RNF17: variants seen among roughly 807,000 people sequenced by gnomAD.
RNF17 encodes the protein spermatogenesis associated 23.
In RNF17, 31 loss-of-function variants were observed where a neutral mutation model predicts 200.5. The observed-to-expected ratio is 0.15, with a 90% CI of 0.12 to 0.21. The LOEUF is 0.21. RNF17 is among the 10% of genes least tolerant of loss of function. The pLI, the probability that RNF17 is intolerant of heterozygous loss-of-function variation, is 1.00. For synonymous variants in RNF17, 606 were observed against 637.8 expected, an observed-to-expected ratio of 0.95 and a Z score of 0.75; for missense variants, 1,628 against 1,905.1, an observed-to-expected ratio of 0.85 and a Z score of 2.71.
At chr13:24,872,074 T>C (rs562623875) in intron 32 of RNF17, among the ~76,000 whole-genome samples, 13 of 148,292 alleles carry the variant, frequency 8.8e-5, no homozygotes, top group Non-Finnish European at 1.6e-4. Context: ...GTTCAAACGA[T>C]TCTTCTGCCT....
chr13:24,800,396 C>G lies in RNF17; in HGVS notation c.1620C>G (p.His540Gln). ...TTGATACCCATGTGAGACCAGAACACTCTGCTAAGCAACATATTGCACTAA... is the reference window on the plus strand; with the variant it reads ...TTGATACCCATGTGAGACCAGAACAGTCTGCTAAGCAACATATTGCACTAA... ...GVVDTHVRPE[H>Q]SAKQHIALND... Residue 540 changes from histidine to glutamine, a missense_variant, in exon 13 of 36, where the codon CAC becomes CAG. Around this residue, in one of 5 missense-constraint regions of RNF17, gnomAD observed 289 missense variants for 384.9 expected, o/e 0.75. Coordinates refer to ENST00000255324, the MANE Select transcript of RNF17 (RefSeq NM_031277.3). The G allele has an allele frequency of 3.1e-6, 5 of 1,608,972 alleles. No homozygotes were observed. The highest frequency in any genetic ancestry group is 4.2e-6 in the Non-Finnish European group (5 of 1,176,694).
chr13:24,761,383 A>T (rs1303357485), upstream of RNF17, among the ~76,000 whole-genome samples: 24 of 152,234 alleles, frequency 1.6e-4, no homozygotes, highest in Non-Finnish European at 2.9e-4. Context: ...GCACAGGGCT[A>T]AGGGCAGCCT....
the RNF17 span, among the ~76,000 whole-genome samples, chr13:24,749,912 G>A: frequency 6.6e-6 from 1 of 152,060 alleles, no homozygotes; most frequent in Non-Finnish European, 1.5e-5. Context: ...ACCACACCCA[G>A]CTAATTTTTT....
downstream of RNF17, among the ~76,000 whole-genome samples, chr13:24,881,376 A>T (rs1271902912): frequency 1.3e-5 from 2 of 151,936 alleles, no homozygotes; most frequent in African/African-American, 2.4e-5. Context: ...CCTGACCTCA[A>T]GTGATCTGCC....
In RNF17 at chr13:24,874,159, C is replaced by T. The variant is rs372193427; in HGVS notation, c.4493C>T (p.Ala1498Val). The stretch of plus-strand genomic sequence containing the variant: ...TATGATGATGGCTTATGGTATAGAG[C>T]GAAGATTGTTGCCATTAAAGAATTT... ...AEYDDGLWYR[A>V]KIVAIKEFNP... is the part of the protein sequence containing the mutation. Residue 1498 changes from alanine to valine, a missense_variant, in exon 33 of 36, where the codon GCG becomes GTG. Transcript: ENST00000255324. 11 of 1,611,530 alleles carry T rather than the reference C, an allele frequency of 6.8e-6. No homozygotes were observed. The highest frequency in any genetic ancestry group is 2.7e-5 in the African/African-American group (2 of 74,722).
At chr13:24,844,245 A>T (rs565598260) in intron 20 of RNF17, among the ~76,000 whole-genome samples, 32 of 152,288 alleles carry the variant, frequency 2.1e-4, no homozygotes, top group Admixed American at 1.5e-3. Flanking sequence ...ACATAGACAA[A>T]TCTTTGTTAC....
intron 1 of RNF17, among the ~76,000 whole-genome samples, chr13:24,765,255 T>C (rs577532952): frequency 3.9e-5 from 6 of 152,306 alleles, no homozygotes; most frequent in Admixed American, 2.0e-4. Flanking sequence ...GACCTCGTGA[T>C]CCGCCCGTCT....
rs777537434 is a variant in RNF17 at position 24,779,723 on chromosome 13, C to T, written c.486C>T (p.Phe162=). The stretch of plus-strand genomic sequence containing the variant: ...CATTGAATACAGCACACCATAGTTT[C>T]GAACAGTTAAGCATTGCTGGAAAAG... ...DEALNTAHHS[F]EQLSIAGKAL... Residue 162 remains phenylalanine, a synonymous_variant, in exon 5 of 36, where the codon TTC becomes TTT. Coordinates refer to ENST00000255324, the MANE Select transcript of RNF17 (RefSeq NM_031277.3). 39 of 1,613,270 alleles carry T rather than the reference C, an allele frequency of 2.4e-5. 1 individual carries two copies. The Middle Eastern group carries it at 4.9e-4, about 20-fold the overall frequency.
chr13:24,812,942 T>G (rs7989037), intron 15 of RNF17, among the ~76,000 whole-genome samples: 2 of 151,956 alleles, frequency 1.3e-5, no homozygotes, highest in African/African-American at 4.8e-5. Flanking sequence ...TCGACCTCCC[T>G]AAGTGCTGGG....
At chr13:24,754,641 G>A in the RNF17 span, among the ~76,000 whole-genome samples, 2 of 152,094 alleles carry the variant, frequency 1.3e-5, no homozygotes, top group East Asian at 1.9e-4. Context: ...CTGTAGTCCC[G>A]CACTTTGGGA....
chr13:24,784,488 G>A (rs1420012608), intron 6 of RNF17, among the ~76,000 whole-genome samples: 1 of 152,098 alleles, frequency 6.6e-6, no homozygotes, highest in African/African-American at 2.4e-5. Flanking sequence ...ACTTTGTTGG[G>A]AGGTTTTTTG....
At chr13:24,879,695 T>TA (rs1354631364) in intron 35 of RNF17, 42 bp from the exon 36 acceptor site, 1 of 157,544 alleles carries the variant, frequency 6.3e-6, no homozygotes, top group Non-Finnish European at 1.4e-5. Flanking sequence ...ATTGAACATT[T>TA]ACATTAAGCA....
chr13:24,750,757 T>C, the RNF17 span: 45,069 of 152,006 alleles, frequency 0.3, 7,928 homozygotes, highest in East Asian at 0.63. Context: ...TAATTCTTTA[T>C]TTTTCTCTTC....
At chr13:24,798,916 T>C (rs1884924025) in intron 11 of RNF17, among the ~76,000 whole-genome samples, 1 of 152,186 alleles carries the variant, frequency 6.6e-6, no homozygotes, top group South Asian at 2.1e-4. Flanking sequence ...ACAGGCTACC[T>C]TTCATTGTTT....
chr13:24,884,429 A>G (rs200823017), downstream of RNF17: 10 of 1,614,142 alleles, frequency 6.2e-6, no homozygotes, highest in East Asian at 2.2e-5. Context: ...GGGAAACAGT[A>G]TAACACGGCA....
chr13:24,830,499 A>G lies in RNF17; in HGVS notation c.2261A>G (p.Gln754Arg). Residue 754 changes from glutamine to arginine, a missense_variant, in exon 17 of 36, where the codon CAG (glutamine) becomes CGG (arginine). Coordinates refer to ENST00000255324, the MANE Select transcript of RNF17 (RefSeq NM_031277.3). ...RAKVIGLPGH[Q>R]EVEVKYVDFG... is the part of the protein sequence containing the mutation. Reference sequence around the variant, plus strand: ...ATTTTTCAAGGATTGCCTGGACATCAGGAAGTTGAAGTTAAATATGTGGAC... The same window carrying G: ...ATTTTTCAAGGATTGCCTGGACATCGGGAAGTTGAAGTTAAATATGTGGAC... 1 of 1,598,760 alleles carries G rather than the reference A, an allele frequency of 6.3e-7. No homozygotes were observed. Among genetic ancestry groups the G allele is most frequent in the Non-Finnish European group, 8.5e-7 (1 of 1,171,398 alleles).
chr13:24,838,830 A>G (rs7335755), intron 18 of RNF17, among the ~76,000 whole-genome samples: 129,006 of 147,982 alleles, frequency 0.87, 55,039 homozygotes, highest in African/African-American at 0.94. Flanking sequence ...AGAGCAGTCA[A>G]GCAAGAGAAG....
chr13:24,797,734 G>GTGTGTGTGTGTA (rs1884775328), intron 11 of RNF17, among the ~76,000 whole-genome samples: 1 of 150,396 alleles, frequency 6.6e-6, no homozygotes, highest in Non-Finnish European at 1.5e-5. Context: ...GTGTGTGTGT[G>GTGTGTGTGTGTA]TGTGTGTGTG....
chr13:24,829,273 A>G (rs1889127005), intron 16 of RNF17, among the ~76,000 whole-genome samples: 1 of 152,126 alleles, frequency 6.6e-6, no homozygotes, highest in African/African-American at 2.4e-5. Context: ...CCATCTTCCC[A>G]TAGTTTCTCC....
Sources: gnomAD v4.1 joint callset for allele counts (sites outside exome capture counted in the v4.1 genomes callset) on GRCh38, gnomAD v4.1.1 for gene constraint, gnomAD v4.1.1 regional missense constraint, MANE v1.5 for transcripts, NCBI Gene and HGNC (gene_info 2026-07-23, HGNC 2026-07-21) for gene names.